GTF3C4: variants seen among roughly 807,000 people sequenced by gnomAD.
GTF3C4 encodes the protein general transcription factor 3C polypeptide 4.
A neutral mutation model predicts 67.5 loss-of-function variants in GTF3C4; 28 were observed. That is an observed-to-expected ratio of 0.41 (90% CI 0.31 to 0.57). The LOEUF is 0.57. GTF3C4 is among the 20% of genes least tolerant of loss of function. The pLI, the probability that GTF3C4 is intolerant of heterozygous loss-of-function variation, is 0.21. For missense variants in GTF3C4, 831 were observed against 1,033.2 expected (o/e 0.80, Z 2.68); for synonymous variants, 409 against 393.0 (o/e 1.04, Z -0.48).
At chr9:132,681,968 A>T (rs1171636391) in intron 2 of GTF3C4, among the ~76,000 whole-genome samples, 11 of 46,814 alleles carry the variant, frequency 2.3e-4, no homozygotes, top group African/African-American at 6.1e-4. Context: ...ACATAAAGTA[A>T]AAAAAAAAAA....
intron 4 of GTF3C4, 72 bp downstream of exon 4, chr9:132,687,399 A>T: frequency 1.3e-6 from 1 of 788,734 alleles, no homozygotes; most frequent in Non-Finnish European, 2.2e-6. Flanking sequence ...CCCCAGAATA[A>T]CAGTTCTAGT....
At chr9:132,681,568 C>T (rs787472) in intron 2 of GTF3C4, among the ~76,000 whole-genome samples, 1 of 151,922 alleles carries the variant, frequency 6.6e-6, no homozygotes, top group Non-Finnish European at 1.5e-5. Flanking sequence ...CACTCCCCCC[C>T]GAACATTTTT....
At chr9:132,676,224 C>A (rs117905887) in intron 1 of GTF3C4, among the ~76,000 whole-genome samples, 2,211 of 151,568 alleles carry the variant, frequency 0.015, 24 homozygotes, top group Non-Finnish European at 0.024. Context: ...CTAATCATCA[C>A]TCCTGTCTGC....
intron 1 of GTF3C4, among the ~76,000 whole-genome samples, chr9:132,675,338 G>C (rs560376435): frequency 6.6e-6 from 1 of 152,004 alleles, no homozygotes; most frequent in Non-Finnish European, 1.5e-5. Flanking sequence ...AGAAAGCACC[G>C]GGCTTTGATT....
chr9:132,680,804 T>C (rs768477635), intron 2 of GTF3C4, among the ~76,000 whole-genome samples: 41 of 152,222 alleles, frequency 2.7e-4, no homozygotes, highest in Non-Finnish European at 4.3e-4. Context: ...TAACTGACTT[T>C]ACTTCTTTAA....
In GTF3C4 at chr9:132,670,792, G is replaced by A; in HGVS notation, c.194G>A (p.Ser65Asn). Residue 65 changes from serine to asparagine, a missense_variant, in exon 1 of 5, where the codon AGC becomes AAC. By Grantham distance (46) the Ser-to-Asn change is conservative (BLOSUM62 1). Transcript: ENST00000372146. ...EPAVKLQYAV[S>N]GLEPLAWSED... ...GCCGTGAAGCTGCAGTATGCGGTGA[G>A]CGGCCTGGAACCGCTGGCTTGGTCC... is the stretch of plus-strand genomic sequence containing the variant. 1.3e-6 allele frequency: 2 copies of A among 1,595,184 alleles called. No homozygotes were observed. Among genetic ancestry groups the A allele is most frequent in the South Asian group, 1.1e-5 (1 of 89,484 alleles).
chr9:132,688,745 G>A (rs928289169), intron 4 of GTF3C4, 136 bp from the exon 5 acceptor site: 6 of 704,364 alleles, frequency 8.5e-6, no homozygotes, highest in Middle Eastern at 5.4e-4. Flanking sequence ...GAAGTGCTTT[G>A]TCTAGGGATA....
rs898093716 is a variant in GTF3C4, at chr9:132,691,019, C to G, written c.*2074C>G. 2 of 152,068 alleles carry G rather than the reference C, an allele frequency of 1.3e-5. No homozygotes were observed. Among genetic ancestry groups the G allele is most frequent in the African/African-American group, 4.8e-5 (2 of 41,400 alleles). The allele number at this position is 152,068 out of a possible 1,614,324, so 9.4% of individuals were successfully genotyped here. The stretch of plus-strand genomic sequence containing the variant: ...GGATCTCCCAAATTTTTTTGTATGT[C>G]TCTCTAGGAGTAAACATGGCAACAG... On this transcript the variant is annotated 3_prime_UTR_variant, in exon 5 of 5. Transcript: ENST00000372146.
rs1164727629 is a variant in GTF3C4, at chr9:132,683,653, C to T, written c.2275C>T (p.Arg759Cys). The change falls in exon 3 of 5, where the codon CGC (arginine) becomes TGC (cysteine). Residue 759 changes from arginine (R) to cysteine (C), a missense_variant. Around this residue, in one of 4 missense-constraint regions of GTF3C4, gnomAD observed 129 missense variants for 213.8 expected, o/e 0.60. Coordinates refer to ENST00000372146, the MANE Select transcript of GTF3C4 (RefSeq NM_012204.4). ...LCKEILPFTD[R>C]KQAVCSNGHI... is the part of the protein sequence containing the mutation. ...TAAAGAGATCTTGCCATTCACAGAT[C>T]GCAAACAGGCAGTCTGTTCCAATGG... 4.3e-6 allele frequency: 7 copies of T among 1,612,808 alleles called. No homozygotes were observed. Among genetic ancestry groups the T allele is most frequent in the South Asian group, 2.2e-5 (2 of 90,642 alleles).
At chr9:132,672,896 T>A (rs1835806020) in intron 1 of GTF3C4, among the ~76,000 whole-genome samples, 1 of 152,114 alleles carries the variant, frequency 6.6e-6, no homozygotes, top group African/African-American at 2.4e-5. Context: ...GAAAATATAA[T>A]GAGTTGGGCC....
rs1836121930 is a variant in GTF3C4, at chr9:132,691,994, A to G, written c.*3049A>G. ...AGAAGTTGATGCTTATTGGTGCTTAAGAGAATTACAATACTGGTTTTATGA... is the reference window on the plus strand; with the variant it reads ...AGAAGTTGATGCTTATTGGTGCTTAGGAGAATTACAATACTGGTTTTATGA... On this transcript the variant is annotated 3_prime_UTR_variant, in exon 5 of 5. Coordinates refer to ENST00000372146, the MANE Select transcript of GTF3C4 (RefSeq NM_012204.4). 1 of 152,244 alleles carries G rather than the reference A, an allele frequency of 6.6e-6. No individual in the cohort carries two copies. Among genetic ancestry groups the G allele is most frequent in the African/African-American group, 2.4e-5 (1 of 41,464 alleles). 9.4% of individuals were successfully genotyped at this position (152,244 alleles called of 1,614,324 possible). A position where few individuals can be genotyped will look rare whatever the true frequency, so the allele number is the denominator to read the frequency against.
At chr9:132,681,367 C>T (rs538409107) in intron 2 of GTF3C4, among the ~76,000 whole-genome samples, 1 of 152,230 alleles carries the variant, frequency 6.6e-6, no homozygotes, top group East Asian at 1.9e-4. Context: ...ATTGCACACC[C>T]GTCCCTGTTT....
chr9:132,687,575 T>C (rs1159396932), intron 4 of GTF3C4, among the ~76,000 whole-genome samples: 1 of 152,248 alleles, frequency 6.6e-6, no homozygotes, highest in Admixed American at 6.5e-5. Flanking sequence ...TTTGTCTGCG[T>C]TGCTATTCTG....
At chr9:132,688,519 T>A (rs1836063988) in intron 4 of GTF3C4, among the ~76,000 whole-genome samples, 1 of 152,202 alleles carries the variant, frequency 6.6e-6, no homozygotes, top group African/African-American at 2.4e-5. Context: ...TTTTTAAAAA[T>A]TCCTATTACT....
intron 1 of GTF3C4, among the ~76,000 whole-genome samples, chr9:132,672,070 A>G (rs1257971752): frequency 6.6e-6 from 1 of 152,204 alleles, no homozygotes; most frequent in Non-Finnish European, 1.5e-5. Flanking sequence ...GTCAGCTTGT[A>G]TGACTAAGCT....
chr9:132,682,789 G>C (rs141628806), intron 2 of GTF3C4, among the ~76,000 whole-genome samples: 5 of 151,948 alleles, frequency 3.3e-5, no homozygotes, highest in South Asian at 2.1e-4. Context: ...ATTTTTAGTA[G>C]AGACGGGGTT....
At chr9:132,676,460 G>A (rs1204945476) in intron 1 of GTF3C4, among the ~76,000 whole-genome samples, 2 of 150,650 alleles carry the variant, frequency 1.3e-5, no homozygotes, top group African/African-American at 4.9e-5. Flanking sequence ...CTGGGGTTAT[G>A]GGTGCCCACC....
Position 132,693,094 on chromosome 9 carries a change from T to G in GTF3C4, c.*4149T>G, listed in dbSNP as rs906318697. ...GAAGAAGTGGGGTTTTTCAGAAGATTGTAAACTCATTTCCATGGCACAGAT... is the reference window on the plus strand; with the variant it reads ...GAAGAAGTGGGGTTTTTCAGAAGATGGTAAACTCATTTCCATGGCACAGAT... On this transcript the variant is annotated 3_prime_UTR_variant, in exon 5 of 5. Transcript: ENST00000372146. 2.6e-5 allele frequency: 4 copies of G among 152,218 alleles called. No homozygotes were observed. Among genetic ancestry groups the G allele is most frequent in the Non-Finnish European group, 5.9e-5 (4 of 68,032 alleles). 9.4% of individuals were successfully genotyped at this position (152,218 alleles called of 1,614,324 possible).
chr9:132,694,782 T>C lies in GTF3C4; in HGVS notation c.*5837T>C. 6.6e-6 allele frequency: 1 copy of C among 152,242 alleles called. No homozygotes were observed. The highest frequency in any genetic ancestry group is 1.9e-4 in the East Asian group (1 of 5,198). 9.4% of individuals were successfully genotyped at this position (152,242 alleles called of 1,614,324 possible). A position where few individuals can be genotyped will look rare whatever the true frequency, so the allele number is the denominator to read the frequency against. On this transcript the variant is annotated 3_prime_UTR_variant, in exon 5 of 5. Transcript: ENST00000372146. The stretch of plus-strand genomic sequence containing the variant: ...TTGGGATTCCCCTCAATTGCTTACA[T>C]GATTCTGGTACTTAGAGTCTAATAG...
Sources: gnomAD v4.1 joint callset for allele counts (sites outside exome capture counted in the v4.1 genomes callset) on GRCh38, gnomAD v4.1.1 for gene constraint, gnomAD v4.1.1 regional missense constraint, MANE v1.5 for transcripts, NCBI Gene and HGNC (gene_info 2026-07-23, HGNC 2026-07-21) for gene names.